MGLL: variants seen among roughly 807,000 people sequenced by gnomAD.
The protein encoded by MGLL is lysophospholipase homolog.
A neutral mutation model predicts 29.1 loss-of-function variants in MGLL; 7 were observed. The observed-to-expected ratio is 0.24, with a 90% CI of 0.14 to 0.45. MGLL has a LOEUF of 0.45. MGLL is among the 20% of genes least tolerant of loss of function. The pLI is 0.99. For missense variants in MGLL, 356 were observed against 413.6 expected, an observed-to-expected ratio of 0.86 and a Z score of 1.21; for synonymous variants, 148 against 168.3, an observed-to-expected ratio of 0.88 and a Z score of 0.93.
chr3:127,798,809 C>T (rs2077427919), intron 2 of MGLL, among the ~76,000 whole-genome samples: 1 of 152,198 alleles, frequency 6.6e-6, no homozygotes, highest in African/African-American at 2.4e-5. Context: ...AGGTTCCTAT[C>T]AGTAGGAGGC....
At chr3:127,694,555 C>T (rs1219280154) in intron 7 of MGLL, among the ~76,000 whole-genome samples, 3 of 152,118 alleles carry the variant, frequency 2.0e-5, no homozygotes, top group Admixed American at 6.5e-5. Flanking sequence ...CCTGCCAGCA[C>T]CTGTGTGCCC....
intron 3 of MGLL, among the ~76,000 whole-genome samples, chr3:127,752,663 T>G (rs1053128196): frequency 4.6e-5 from 7 of 152,110 alleles, no homozygotes; most frequent in African/African-American, 1.7e-4. Context: ...AGCAGAGATA[T>G]GGCATCCCTG....
chr3:127,761,692 G>A lies in MGLL; in HGVS notation c.262+20097C>T, dbSNP rs764443552. Among the ~76,000 whole-genome samples, 3 of 152,348 alleles carry A rather than the reference G, an allele frequency of 2.0e-5. No individual in the cohort carries two copies. Among genetic ancestry groups the A allele is most frequent in the Admixed American group, 6.5e-5 (1 of 15,306 alleles). On this transcript the variant is annotated intron_variant, in intron 3 of 7. Coordinates refer to ENST00000265052, the MANE Select transcript of MGLL (RefSeq NM_007283.7). The surrounding 1 kb of genome is among the most constrained non-coding windows in gnomAD (Gnocchi z 4.6). The stretch of plus-strand genomic sequence containing the variant: ...AGAGAGGGCTGGCGCACAGCCGGCC[G>A]TGGGCAGAGCTGGACTGCCACGCAG...
Position 127,820,811 on chromosome 3 carries a change from C to G in MGLL, c.155+883G>C, listed in dbSNP as rs546082986. The stretch of plus-strand genomic sequence containing the variant: ...CTGCCCTGAAGCTATGACTCTATGC[C>G]GGGTTTTAAAAGTCCATATCTCTGT... On this transcript the variant is annotated intron_variant, in intron 2 of 7. Coordinates refer to ENST00000265052, the MANE Select transcript of MGLL (RefSeq NM_007283.7). Among the ~76,000 whole-genome samples the G allele has an allele frequency of 2.0e-5, 3 of 152,312 alleles. No homozygotes were observed. The East Asian group carries it at 5.8e-4, about 29-fold the overall frequency.
intron 7 of MGLL, among the ~76,000 whole-genome samples, chr3:127,694,284 A>ATATATAT (rs1181255759): frequency 6.1e-4 from 65 of 106,024 alleles, no homozygotes; most frequent in African/African-American, 1.9e-3. Context: ...AAAAAAAAAA[A>ATATATAT]AAATATATAT....
intron 3 of MGLL, among the ~76,000 whole-genome samples, chr3:127,743,850 T>G (rs55792314): frequency 3.3e-5 from 5 of 152,176 alleles, no homozygotes; most frequent in African/African-American, 4.8e-5. Context: ...AAAAGCCATT[T>G]CCTTCTCTTC....
At chr3:127,720,241 G>A (rs999840913) in intron 5 of MGLL, among the ~76,000 whole-genome samples, 16 of 152,238 alleles carry the variant, frequency 1.1e-4, no homozygotes, top group African/African-American at 3.9e-4. Flanking sequence ...AACTGACTCA[G>A]GAGGCAGCAG....
chr3:127,710,404 C>CTATGG (rs1031333512), intron 6 of MGLL, among the ~76,000 whole-genome samples, 172 bp downstream of exon 6: 1 of 152,224 alleles, frequency 6.6e-6, no homozygotes, highest in African/African-American at 2.4e-5. Flanking sequence ...CCAACCCACC[C>CTATGG]TTTTCACCCA....
intron 6 of MGLL, among the ~76,000 whole-genome samples, chr3:127,707,651 G>A (rs57165286): frequency 6.6e-6 from 1 of 152,208 alleles, no homozygotes; most frequent in Non-Finnish European, 1.5e-5. Flanking sequence ...ACAAATGCTG[G>A]TAATAAGACT....
chr3:127,801,012 G>T (rs1031258962), intron 2 of MGLL, among the ~76,000 whole-genome samples: 1 of 151,574 alleles, frequency 6.6e-6, no homozygotes, highest in Non-Finnish European at 1.5e-5. Flanking sequence ...AATTAAAAAG[G>T]GGTAATGAGC....
chr3:127,798,091 A>T (rs538376078), intron 2 of MGLL, among the ~76,000 whole-genome samples: 1 of 152,348 alleles, frequency 6.6e-6, no homozygotes, highest in East Asian at 1.9e-4. Flanking sequence ...TCAAATAATC[A>T]TAACAGGTGG....
chr3:127,819,023 C>T (rs1340616626), intron 2 of MGLL, among the ~76,000 whole-genome samples: 4 of 152,186 alleles, frequency 2.6e-5, no homozygotes, highest in Admixed American at 1.3e-4. Context: ...TGATGAAATA[C>T]GGAGACTCTG....
At chr3:127,718,062 T>C (rs2075849709) in intron 5 of MGLL, among the ~76,000 whole-genome samples, 1 of 151,946 alleles carries the variant, frequency 6.6e-6, no homozygotes, top group South Asian at 2.1e-4. Context: ...CCAGGCTAAA[T>C]ATATCCCAGC....
At chr3:127,807,217 A>C (rs953712086) in intron 2 of MGLL, among the ~76,000 whole-genome samples, 6 of 152,098 alleles carry the variant, frequency 3.9e-5, no homozygotes, top group African/African-American at 1.4e-4. Flanking sequence ...TCTTTCTTAA[A>C]ATTTGTTCAT....
intron 3 of MGLL, among the ~76,000 whole-genome samples, chr3:127,768,967 G>A (rs1462231941): frequency 6.6e-6 from 1 of 152,214 alleles, no homozygotes; most frequent in African/African-American, 2.4e-5. Flanking sequence ...CACACTTTGA[G>A]AACCACTACC....
intron 3 of MGLL, among the ~76,000 whole-genome samples, chr3:127,750,935 G>T (rs1297081461): frequency 1.3e-5 from 2 of 152,190 alleles, no homozygotes; most frequent in Non-Finnish European, 2.9e-5. Flanking sequence ...AAATGGACTT[G>T]CCAGGGGCAA....
At chr3:127,769,599 C>G (rs1023474649) in intron 3 of MGLL, among the ~76,000 whole-genome samples, 21 of 152,176 alleles carry the variant, frequency 1.4e-4, no homozygotes, top group African/African-American at 5.1e-4. Context: ...GAGGTCTTCT[C>G]CAGGTCCAGG....
chr3:127,786,613 C>T (rs1361676909), intron 2 of MGLL, among the ~76,000 whole-genome samples: 1 of 152,230 alleles, frequency 6.6e-6, no homozygotes, highest in African/African-American at 2.4e-5. Flanking sequence ...CAGAGCCTCT[C>T]AGAATGTACA....
intron 3 of MGLL, among the ~76,000 whole-genome samples, chr3:127,765,493 C>T (rs554387156): frequency 1.3e-5 from 2 of 152,320 alleles, no homozygotes; most frequent in South Asian, 2.1e-4. Flanking sequence ...CACAGATCTG[C>T]GATTCAGCAT....
Sources: allele counts gnomAD v4.1 joint callset (sites outside exome capture counted in the v4.1 genomes callset), GRCh38; gene constraint gnomAD v4.1.1; non-coding constraint Gnocchi (gnomAD v3.1); transcripts MANE v1.5; gene names NCBI Gene and HGNC (gene_info 2026-07-23, HGNC 2026-07-21).